The following LRP1B variants were observed in gnomAD, a reference collection of about 807,000 sequenced individuals.
LRP1B encodes LDL receptor related protein 1B.
Under a neutral mutation model 556.6 loss-of-function variants are expected in LRP1B, and 217 were observed. That is an observed-to-expected ratio of 0.39 (90% confidence interval 0.35 to 0.44). The LOEUF is 0.44. LRP1B is among the 20% of genes least tolerant of loss of function. LRP1B has a pLI of 1.00. For synonymous variants in LRP1B, 2,047 were observed against 1,865.8 expected (o/e 1.10, Z -2.50); for missense variants, 5,053 against 5,620.8 (o/e 0.90, Z 3.23).
chr2:141,154,134 A>G (rs1702008604), intron 7 of LRP1B, among the ~76,000 whole-genome samples: 1 of 151,884 alleles, frequency 6.6e-6, no homozygotes, highest in African/African-American at 2.4e-5. Flanking sequence ...GTTCAGTTCA[A>G]TAGATTACAA....
chr2:141,387,650 A>C (rs888630070), intron 3 of LRP1B, among the ~76,000 whole-genome samples: 2 of 152,174 alleles, frequency 1.3e-5, no homozygotes, highest in Non-Finnish European at 2.9e-5. Context: ...ATAAGAAGTA[A>C]AGAGATAGAA....
At chr2:140,819,828 T>A (rs1286353969) in intron 31 of LRP1B, among the ~76,000 whole-genome samples, 1 of 152,168 alleles carries the variant, frequency 6.6e-6, no homozygotes, top group Non-Finnish European at 1.5e-5. Context: ...GGATAACTGA[T>A]ACACATTGTT....
chr2:141,726,667 G>A (rs998756532), intron 2 of LRP1B, among the ~76,000 whole-genome samples: 1 of 151,946 alleles, frequency 6.6e-6, no homozygotes. Context: ...GGAATCAAAA[G>A]CAATAAAGTC....
chr2:141,065,781 T>C (rs1699464660), intron 7 of LRP1B, among the ~76,000 whole-genome samples: 1 of 151,822 alleles, frequency 6.6e-6, no homozygotes, highest in South Asian at 2.1e-4. Context: ...ATTTGATGTT[T>C]TCTGAACACT....
At chr2:140,601,919 G>C (rs1443551478) in intron 41 of LRP1B, among the ~76,000 whole-genome samples, 2 of 151,956 alleles carry the variant, frequency 1.3e-5, no homozygotes, top group Non-Finnish European at 2.9e-5. Flanking sequence ...GAAAATGGTG[G>C]CTCTCTTTCT....
chr2:141,921,840 C>T (rs1264334384), intron 1 of LRP1B, among the ~76,000 whole-genome samples: 1 of 151,870 alleles, frequency 6.6e-6, no homozygotes, highest in Non-Finnish European at 1.5e-5. Context: ...TTTTCCAAAC[C>T]TAGTAATTAC....
At chr2:140,528,363 T>A (rs1159633974) in intron 47 of LRP1B, among the ~76,000 whole-genome samples, 1 of 151,964 alleles carries the variant, frequency 6.6e-6, no homozygotes, top group Non-Finnish European at 1.5e-5. Flanking sequence ...AAATAAATTT[T>A]AACTTTGAAG....
chr2:140,843,397 C>T (rs1473969932), intron 29 of LRP1B, among the ~76,000 whole-genome samples: 1 of 152,042 alleles, frequency 6.6e-6, no homozygotes, highest in East Asian at 1.9e-4. Flanking sequence ...AGCTTTGAAT[C>T]ATGACCTTCA....
At chr2:141,063,158 T>G (rs899641898) in intron 7 of LRP1B, among the ~76,000 whole-genome samples, 1 of 151,822 alleles carries the variant, frequency 6.6e-6, no homozygotes, top group African/African-American at 2.4e-5. Context: ...CATCTTGCCT[T>G]GACTTAAATA....
intron 1 of LRP1B, among the ~76,000 whole-genome samples, chr2:141,905,367 T>TACA (rs375470403): frequency 2.6e-4 from 40 of 151,850 alleles, no homozygotes; most frequent in Non-Finnish European, 5.2e-4. Flanking sequence ...TATTAAAAAG[T>TACA]ACAATCATGG....
At chr2:141,316,430 G>C (rs1687039318) in intron 3 of LRP1B, among the ~76,000 whole-genome samples, 1 of 151,970 alleles carries the variant, frequency 6.6e-6, no homozygotes, top group Admixed American at 6.6e-5. Context: ...CATTTCCATT[G>C]TATCACTTTA....
At chr2:141,672,906 T>A (rs1470028064) in intron 2 of LRP1B, among the ~76,000 whole-genome samples, 1 of 152,166 alleles carries the variant, frequency 6.6e-6, no homozygotes, top group Non-Finnish European at 1.5e-5. Context: ...ATTCCTTTTC[T>A]CATTCAGGTT....
intron 2 of LRP1B, among the ~76,000 whole-genome samples, chr2:141,550,047 T>TA: frequency 6.6e-6 from 1 of 152,300 alleles, no homozygotes; most frequent in Non-Finnish European, 1.5e-5. Context: ...AGTTAGAACT[T>TA]ACACAAAACA....
chr2:141,865,464 C>T (rs1440926890), intron 1 of LRP1B, among the ~76,000 whole-genome samples: 2 of 148,772 alleles, frequency 1.3e-5, no homozygotes, highest in Admixed American at 1.3e-4. Flanking sequence ...TAGTGGCGGG[C>T]GCCTGTAGTC....
chr2:140,358,711 A>G (rs1682359037), intron 73 of LRP1B, 110 bp downstream of exon 73: 1 of 1,120,166 alleles, frequency 8.9e-7, no homozygotes, highest in African/African-American at 1.6e-5. Flanking sequence ...GTCTGAAAAT[A>G]ATGCCCTCAG....
intron 2 of LRP1B, among the ~76,000 whole-genome samples, chr2:141,536,829 C>T (rs1235849013): frequency 6.6e-6 from 1 of 151,966 alleles, no homozygotes; most frequent in African/African-American, 2.4e-5. Flanking sequence ...AATTATGAGT[C>T]TGATATTTAA....
At chr2:140,505,970 GA>G (rs1489614789) in intron 53 of LRP1B, among the ~76,000 whole-genome samples, 1 of 151,850 alleles carries the variant, frequency 6.6e-6, no homozygotes, top group African/African-American at 2.4e-5. Context: ...AGGTTGTATA[GA>G]TATTATATAT....
chr2:140,363,479 A>G (rs1682612223), intron 72 of LRP1B, among the ~76,000 whole-genome samples: 1 of 151,602 alleles, frequency 6.6e-6, no homozygotes, highest in Non-Finnish European at 1.5e-5. Context: ...AAAAAATCAC[A>G]TAATTGATAA....
intron 7 of LRP1B, among the ~76,000 whole-genome samples, chr2:141,100,233 G>C (rs1700425312): frequency 6.6e-6 from 1 of 152,102 alleles, no homozygotes; most frequent in Non-Finnish European, 1.5e-5. Context: ...ACTCTGCCAT[G>C]GCAAGCACAG....
Sources: allele counts gnomAD v4.1 joint callset (sites outside exome capture counted in the v4.1 genomes callset), GRCh38; gene constraint gnomAD v4.1.1; transcripts MANE v1.5; gene names NCBI Gene and HGNC (gene_info 2026-07-23, HGNC 2026-07-21).